Variants in TMEFF2 observed in about 807,000 individuals in gnomAD.
The protein encoded by TMEFF2 is tomoregulin-2.
In TMEFF2, 28 loss-of-function variants were observed where a neutral mutation model predicts 53.8. The ratio of observed to expected loss-of-function variants is 0.52; its 90% CI spans 0.39 to 0.71. The LOEUF (loss-of-function observed/expected upper bound fraction) is 0.71, where lower values mean the gene tolerates loss of function less well. Among genes scored for constraint, TMEFF2 ranks in the 30% least tolerant of loss-of-function variants. The pLI, the probability that TMEFF2 is intolerant of heterozygous loss-of-function variation, is 0.00. For missense variants in TMEFF2, 353 were observed against 455.2 expected, an observed-to-expected ratio of 0.78 and a Z score of 2.04; for synonymous variants, 162 against 166.3, an observed-to-expected ratio of 0.97 and a Z score of 0.20.
chr2:191,973,089 G>T (rs1363508844), intron 7 of TMEFF2, among the ~76,000 whole-genome samples: 2 of 140,818 alleles, frequency 1.4e-5, no homozygotes, highest in African/African-American at 4.9e-5. Context: ...GGCAAGATAA[G>T]TAAATCATGA....
At chr2:192,108,811 T>C (rs954432363) in intron 4 of TMEFF2, among the ~76,000 whole-genome samples, 4 of 151,998 alleles carry the variant, frequency 2.6e-5, no homozygotes, top group Non-Finnish European at 5.9e-5. Flanking sequence ...GCCCATAAAC[T>C]TATGAATAGA....
chr2:191,976,482 C>G (rs1469256034), intron 7 of TMEFF2, among the ~76,000 whole-genome samples: 1 of 152,168 alleles, frequency 6.6e-6, no homozygotes, highest in Non-Finnish European at 1.5e-5. Context: ...GTCACTTTGG[C>G]TTTGTTTTTA....
intron 7 of TMEFF2, among the ~76,000 whole-genome samples, chr2:191,973,415 G>A (rs1376322647): frequency 6.6e-6 from 1 of 152,010 alleles, no homozygotes; most frequent in Non-Finnish European, 1.5e-5. Flanking sequence ...TTATATATAT[G>A]TGTGTGTATA....
chr2:191,971,603 A>T (rs1692641203), intron 7 of TMEFF2, among the ~76,000 whole-genome samples: 1 of 152,158 alleles, frequency 6.6e-6, no homozygotes, highest in Non-Finnish European at 1.5e-5. Context: ...GGTAACAAAC[A>T]TGTTTTCTCT....
chr2:192,117,158 A>G (rs964034748), intron 4 of TMEFF2, among the ~76,000 whole-genome samples: 18 of 152,254 alleles, frequency 1.2e-4, no homozygotes, highest in Middle Eastern at 3.4e-3. Flanking sequence ...CAGATGTAGT[A>G]AAAAGACTGT....
At chr2:191,950,479 T>TAA in intron 9 of TMEFF2, 72 bp from the exon 10 acceptor site, 1 of 1,588,852 alleles carries the variant, frequency 6.3e-7, no homozygotes, top group Non-Finnish European at 8.6e-7. Context: ...AATCACAGAA[T>TAA]AAAGATGTGG....
chr2:192,044,920 T>G (rs1687578317), intron 5 of TMEFF2, among the ~76,000 whole-genome samples: 1 of 152,188 alleles, frequency 6.6e-6, no homozygotes, highest in Non-Finnish European at 1.5e-5. Flanking sequence ...AAGTTGGGCA[T>G]GCACAGCAGC....
chr2:192,109,588 T>C (rs1689228697), intron 4 of TMEFF2, among the ~76,000 whole-genome samples: 1 of 152,104 alleles, frequency 6.6e-6, no homozygotes, highest in African/African-American at 2.4e-5. Flanking sequence ...AGTAGACAGC[T>C]TCAAGACAGA....
At chr2:192,116,570 C>T (rs1039542981) in intron 4 of TMEFF2, among the ~76,000 whole-genome samples, 3 of 151,920 alleles carry the variant, frequency 2.0e-5, no homozygotes, top group African/African-American at 7.2e-5. Context: ...AGAATATATA[C>T]TAATATTAGT....
intron 4 of TMEFF2, among the ~76,000 whole-genome samples, chr2:192,096,640 T>TTC (rs1559124498): frequency 9.3e-6 from 1 of 107,912 alleles, no homozygotes; most frequent in African/African-American, 3.6e-5. Flanking sequence ...TTTCTTTTCT[T>TTC]CTTCCTTCCT....
chr2:192,018,943 A>G (rs1686801126), intron 5 of TMEFF2, among the ~76,000 whole-genome samples: 1 of 152,190 alleles, frequency 6.6e-6, no homozygotes, highest in South Asian at 2.1e-4. Context: ...AGCCACAATC[A>G]TATTAATATT....
chr2:191,975,711 T>C (rs972672700), intron 7 of TMEFF2, among the ~76,000 whole-genome samples: 3 of 152,162 alleles, frequency 2.0e-5, no homozygotes, highest in African/African-American at 7.2e-5. Flanking sequence ...CCAGGCTTAA[T>C]TGCATCCAAT....
At chr2:192,148,637 G>A (rs1300095199) in intron 4 of TMEFF2, among the ~76,000 whole-genome samples, 1 of 152,018 alleles carries the variant, frequency 6.6e-6, no homozygotes, top group East Asian at 1.9e-4. Flanking sequence ...ATCTGAGGAA[G>A]TCCAAGTGGC....
intron 4 of TMEFF2, among the ~76,000 whole-genome samples, chr2:192,121,892 C>T (rs1689562551): frequency 6.6e-6 from 1 of 152,144 alleles, no homozygotes; most frequent in Admixed American, 6.5e-5. Flanking sequence ...AAAATTCTTA[C>T]AGCATTTATC....
At chr2:192,116,710 T>G (rs192526778) in intron 4 of TMEFF2, among the ~76,000 whole-genome samples, 118 of 152,246 alleles carry the variant, frequency 7.8e-4, no homozygotes, top group African/African-American at 2.8e-3. Context: ...AAGTATTCTC[T>G]GAGAGCTGGT....
chr2:192,062,615 A>C (rs4321323), intron 4 of TMEFF2, among the ~76,000 whole-genome samples: 147,497 of 152,180 alleles, frequency 0.97, 71,650 homozygotes, highest in East Asian at 1. Flanking sequence ...TGTTTAATAT[A>C]TTTTGGGTAC....
chr2:192,134,788 T>A (rs900327817), intron 4 of TMEFF2, among the ~76,000 whole-genome samples: 2 of 152,140 alleles, frequency 1.3e-5, no homozygotes, highest in African/African-American at 2.4e-5. Flanking sequence ...CTGTCAGACA[T>A]AATTCCTCAG....
chr2:192,047,028 C>T (rs949647436), intron 5 of TMEFF2, among the ~76,000 whole-genome samples: 2 of 151,824 alleles, frequency 1.3e-5, no homozygotes, highest in Non-Finnish European at 2.9e-5. Flanking sequence ...TCAGGCAATT[C>T]TCCTGCTTTA....
At chr2:192,060,261 A>G (rs10185068) in intron 4 of TMEFF2, among the ~76,000 whole-genome samples, 100,458 of 151,978 alleles carry the variant, frequency 0.66, 33,564 homozygotes, top group East Asian at 0.95. Context: ...GGAAGCACCT[A>G]GAGGTTTAGT....
Sources: allele counts gnomAD v4.1 joint callset (sites outside exome capture counted in the v4.1 genomes callset), GRCh38; gene constraint gnomAD v4.1.1; transcripts MANE v1.5; gene names NCBI Gene and HGNC (gene_info 2026-07-23, HGNC 2026-07-21).